Variants in L1CAM observed in about 807,000 individuals in gnomAD.
L1CAM encodes the protein neural cell adhesion molecule L1.
L1CAM carries 8 observed loss-of-function variants against 93.0 expected under a neutral mutation model. The observed-to-expected ratio is 0.09, with a 90% CI of 0.05 to 0.16. The LOEUF (loss-of-function observed/expected upper bound fraction) is 0.16. Among genes scored for constraint, L1CAM ranks in the 10% least tolerant of loss-of-function variants. The pLI is 1.00. For synonymous variants in L1CAM, 453 were observed against 453.0 expected, an observed-to-expected ratio of 1.00 and a Z score of 0.00; for missense variants, 777 against 1,073.4, an observed-to-expected ratio of 0.72 and a Z score of 3.86.
In L1CAM at chrX:153,862,528, G is replaced by A. The variant is rs201065394; in HGVS notation, c.*135C>T. The stretch of plus-strand genomic sequence containing the variant: ...CAGCTGGGTTTTGGCAATAAAGTGG[G>A]GACCGGGTGGTAGGAAGGGGATCCG... On this transcript the variant is annotated 3_prime_UTR_variant, in exon 29 of 29. Coordinates refer to ENST00000370060, the MANE Select transcript of L1CAM (RefSeq NM_001278116.2). 2.0e-5 allele frequency: 10 copies of A among 492,124 alleles called. No individual in the cohort carries two copies. The East Asian group carries it at 3.7e-4, about 18-fold the overall frequency. The allele number at this position is 492,124 out of a possible 1,213,427, so 40.6% of individuals were successfully genotyped here.
chrX:153,863,315 A>G, intron 28 of L1CAM, 53 bp downstream of exon 28: 2 of 1,179,597 alleles, frequency 1.7e-6, no homozygotes, highest in Non-Finnish European at 2.3e-6. Flanking sequence ...CCAGGCGCAC[A>G]TTGTCTATAG....
chrX:153,872,037 C>G, intron 5 of L1CAM, 115 bp downstream of exon 5: 1 of 594,190 alleles, frequency 1.7e-6, no homozygotes, highest in Non-Finnish European at 2.8e-6. Context: ...GGGTGGAGGG[C>G]TGGCAGGACA....
chrX:153,876,749 T>A (rs139848666), intron 1 of L1CAM, among the ~76,000 whole-genome samples: 1,128 of 111,985 alleles, frequency 0.01, 14 homozygotes, highest in Non-Finnish European at 0.016. Context: ...ATCCCAGTAG[T>A]TTGGGAGGCT....
rs2064783332 is a variant in L1CAM, at chrX:153,872,710, T to G, written c.92-13A>C. ...GGTGGCTCCATCACTGAAGACAGGG[T>G]GGAGAGAGCGGTGGTGAGGGTGCTG... On this transcript the variant is annotated splice_polypyrimidine_tract_variant and intron_variant, in intron 3 of 28. Transcript: ENST00000370060. The G allele has an allele frequency of 6.8e-6, 8 of 1,171,756 alleles. No homozygotes were observed. The highest frequency in any genetic ancestry group is 9.3e-6 in the Non-Finnish European group (8 of 860,130).
In L1CAM at chrX:153,868,048, G is replaced by A. The variant is rs781982718; in HGVS notation, c.1778C>T (p.Ala593Val). ...CTCCACCACATCCAGTTCGGTACTG[G>A]CCACGCAGCTGTAGTTGCCCTGGTC... is the stretch of plus-strand genomic sequence containing the variant. Reference protein sequence around the residue: ...YSDQGNYSCVASTELDVVESR... With the variant: ...YSDQGNYSCVVSTELDVVESR... Residue 593 changes from alanine (A) to valine (V), a missense_variant, in exon 15 of 29, where the codon GCC becomes GTC. Ala to Val is a moderately conservative substitution (Grantham distance 64). Coordinates refer to ENST00000370060, the MANE Select transcript of L1CAM (RefSeq NM_001278116.2). 2 of 1,210,655 alleles carry A rather than the reference G, an allele frequency of 1.7e-6. No homozygotes were observed. Among genetic ancestry groups the A allele is most frequent in the South Asian group, 1.8e-5 (1 of 56,860 alleles).
chrX:153,868,720 C>G lies in L1CAM; in HGVS notation c.1387G>C (p.Glu463Gln), dbSNP rs202175564. The change falls in exon 13 of 29, where the codon GAG becomes CAG. Residue 463 changes from glutamate to glutamine, a missense_variant. Around this residue, in one of 5 missense-constraint regions of L1CAM, gnomAD observed 574 missense variants for 781.0 expected, o/e 0.73. Coordinates refer to ENST00000370060, the MANE Select transcript of L1CAM (RefSeq NM_001278116.2). Reference sequence around the variant, plus strand: ...TCCTGAAGCACTGTTGTCCCATCCTCGTCCAGCCTGGAGGGAGCAGGGCGG... The same window carrying G: ...TCCTGAAGCACTGTTGTCCCATCCTGGTCCAGCCTGGAGGGAGCAGGGCGG... ...APVPSVQWLD[E>Q]DGTTVLQDER... 1.7e-6 allele frequency: 2 copies of G among 1,210,431 alleles called. No homozygotes were observed. Among genetic ancestry groups the G allele is most frequent in the African/African-American group, 1.7e-5 (1 of 57,393 alleles).
intron 19 of L1CAM, among the ~76,000 whole-genome samples, chrX:153,866,214 G>A (rs933775101): frequency 1.8e-5 from 2 of 108,299 alleles, no homozygotes; most frequent in Non-Finnish European, 3.8e-5. Context: ...TCAGGAGGCT[G>A]AGGCAGGAGA....
intron 4 of L1CAM, 85 bp downstream of exon 4, chrX:153,872,507 G>A (rs1603276677): frequency 1.0e-6 from 1 of 961,389 alleles, no homozygotes; most frequent in East Asian, 3.1e-5. Context: ...TGGGGCTTCT[G>A]GGCTTAGAAG....
At position 153,886,050 on chromosome X, in the gene L1CAM, GC is replaced by G; in HGVS notation, c.-109+14del. 1 of 396,363 alleles carries G rather than the reference GC, an allele frequency of 2.5e-6. No individual in the cohort carries two copies. The allele number at this position is 396,363 out of a possible 1,213,427, so 32.7% of individuals were successfully genotyped here. The stretch of plus-strand genomic sequence containing the variant: ...GCCGCGGCCCGGGTCGCACGGGGAG[GC>G]CAGCCCGCCTTACCTGCGCTGCGGC... On this transcript the variant is annotated intron_variant, in intron 1 of 28. Transcript: ENST00000370060.
intron 1 of L1CAM, among the ~76,000 whole-genome samples, chrX:153,877,459 C>T (rs2064821874): frequency 1.1e-5 from 1 of 91,748 alleles, no homozygotes; most frequent in South Asian, 5.2e-4. Context: ...AAGACTCTGT[C>T]TCAAAAAAAA....
At chrX:153,877,228 G>A (rs1164536859) in intron 1 of L1CAM, among the ~76,000 whole-genome samples, 1 of 98,150 alleles carries the variant, frequency 1.0e-5, no homozygotes, top group Non-Finnish European at 2.0e-5. Flanking sequence ...CGGATCATGA[G>A]GTCAGCAGTT....
chrX:153,876,066 C>A lies in L1CAM; in HGVS notation c.-108-122G>T, dbSNP rs1603277518. On this transcript the variant is annotated intron_variant, in intron 1 of 28. Transcript: ENST00000370060. ...GCCCCGCCCTCAGCCCCGCCCCCAG[C>A]TGGCCGGCTTCTCCAGCCCTCCCCT... 14 of 451,776 alleles carry A rather than the reference C, an allele frequency of 3.1e-5. No homozygotes were observed. The East Asian group carries it at 5.2e-4, about 17-fold the overall frequency. The allele number at this position is 451,776 out of a possible 1,213,427, so 37.2% of individuals were successfully genotyped here.
At chrX:153,885,506 G>A (rs1428760409) in intron 1 of L1CAM, 2 of 725,554 alleles carry the variant, frequency 2.8e-6, no homozygotes, top group Non-Finnish European at 3.7e-6. Flanking sequence ...CCCAACCTTG[G>A]GGCGGAGGGG....
chrX:153,874,335 T>TCCACTGTACAGTGTTATATTGTGTATCCA (rs1372727905), intron 2 of L1CAM, among the ~76,000 whole-genome samples: 3 of 113,204 alleles, frequency 2.7e-5, no homozygotes, highest in African/African-American at 6.4e-5. Flanking sequence ...CGGCTTGCAT[T>TCCACTGTACAGTGTTATATTGTGTATCCA]CCACTGTACA....
Position 153,868,608 on chromosome X carries a change from G to C in L1CAM, c.1499C>G (p.Ala500Gly). 8.3e-7 allele frequency: 1 copy of C among 1,211,876 alleles called. No homozygotes were observed. The highest frequency in any genetic ancestry group is 1.1e-6 in the Non-Finnish European group (1 of 895,453). ...NDTGRYFCLA[A>G]NDQNNVTIMA... is the part of the protein sequence containing the mutation. ...GATGGTAACATTGTTTTGGTCATTG[G>C]CAGCCAGGCAGAAGTAGCGTCCGGT... is the stretch of plus-strand genomic sequence containing the variant. The change falls in exon 13 of 29, where the codon GCC becomes GGC. Residue 500 changes from alanine (A) to glycine (G), a missense_variant. Around this residue, in one of 5 missense-constraint regions of L1CAM, gnomAD observed 574 missense variants for 781.0 expected, o/e 0.73. Transcript: ENST00000370060.
intron 1 of L1CAM, among the ~76,000 whole-genome samples, chrX:153,884,874 G>A (rs782725598): frequency 2.7e-5 from 3 of 113,117 alleles, no homozygotes; most frequent in African/African-American, 9.6e-5. Context: ...ACTGATTTAC[G>A]TCAGGGCCAC....
intron 1 of L1CAM, among the ~76,000 whole-genome samples, chrX:153,879,346 G>A (rs997339148): frequency 2.8e-5 from 3 of 108,637 alleles, no homozygotes; most frequent in Non-Finnish European, 3.8e-5. Context: ...AGAGGAAACC[G>A]GAGCACAAAG....
At chrX:153,885,928 T>C in intron 1 of L1CAM, 137 bp downstream of exon 1, 1 of 811,552 alleles carries the variant, frequency 1.2e-6, no homozygotes, top group South Asian at 3.6e-5. Flanking sequence ...TGGGTGGGGC[T>C]CCGGCAGCAA....
intron 24 of L1CAM, 22 bp from the exon 25 acceptor site, chrX:153,864,499 A>G (rs200390972): frequency 8.3e-7 from 1 of 1,209,815 alleles, no homozygotes; most frequent in South Asian, 1.8e-5. Flanking sequence ...AGAGGGTGGC[A>G]GCAGGGGTGA....
Sources: gnomAD v4.1 joint callset for allele counts (sites outside exome capture counted in the v4.1 genomes callset) on GRCh38, gnomAD v4.1.1 for gene constraint, gnomAD v4.1.1 regional missense constraint, MANE v1.5 for transcripts, NCBI Gene and HGNC (gene_info 2026-07-23, HGNC 2026-07-21) for gene names.